Variants in CELF2 observed in about 807,000 individuals in gnomAD.
The protein encoded by CELF2 is CUG triplet repeat RNA-binding protein 2.
Under a neutral mutation model 62.6 loss-of-function variants are expected in CELF2, and 8 were observed. The ratio of observed to expected loss-of-function variants is 0.13; its 90% CI spans 0.07 to 0.23. The LOEUF (loss-of-function observed/expected upper bound fraction) is 0.23. Among genes scored for constraint, CELF2 ranks in the 10% least tolerant of loss-of-function variants. CELF2 has a pLI of 1.00. For synonymous variants in CELF2, 258 were observed against 250.0 expected (o/e 1.03, Z -0.30); for missense variants, 333 against 671.0 (o/e 0.50, Z 5.56).
At chr10:10,651,069 G>A in the CELF2 span, among the ~76,000 whole-genome samples, 2 of 151,604 alleles carry the variant, frequency 1.3e-5, no homozygotes, top group East Asian at 3.9e-4. Flanking sequence ...GAAGCGCAAG[G>A]GGTCAGGGAG....
At chr10:11,064,119 G>A (rs1185996275) in intron 1 of CELF2, among the ~76,000 whole-genome samples, 2 of 152,150 alleles carry the variant, frequency 1.3e-5, no homozygotes, top group African/African-American at 4.8e-5. Context: ...GTTTATGCTT[G>A]TTGTTTCGGG....
chr10:10,605,828 A>C, the CELF2 span, among the ~76,000 whole-genome samples: 1 of 152,234 alleles, frequency 6.6e-6, no homozygotes, highest in African/African-American at 2.4e-5. Flanking sequence ...TCGTTTAATC[A>C]GTCCAAAAAA....
At chr10:11,078,245 G>T (rs541037132) in intron 1 of CELF2, among the ~76,000 whole-genome samples, 19 of 151,868 alleles carry the variant, frequency 1.3e-4, no homozygotes, top group Middle Eastern at 6.8e-3. Context: ...TATCCTAAAG[G>T]AAGTGGTGGG....
the CELF2 span, among the ~76,000 whole-genome samples, chr10:10,535,050 G>A: frequency 6.6e-6 from 1 of 152,182 alleles, no homozygotes; most frequent in South Asian, 2.1e-4. Context: ...AGGGATCTTA[G>A]TTTACCTCCT....
At chr10:11,072,025 C>T (rs1220605839) in intron 1 of CELF2, among the ~76,000 whole-genome samples, 6 of 152,104 alleles carry the variant, frequency 3.9e-5, no homozygotes, top group Non-Finnish European at 8.8e-5. Flanking sequence ...TGGAGATTGC[C>T]TTTTGGGTTA....
intron 2 of CELF2, among the ~76,000 whole-genome samples, chr10:11,197,058 A>AAAGAAAGAAAGAAAGAAAGG (rs1250421470): frequency 1.4e-5 from 1 of 71,932 alleles, no homozygotes; most frequent in South Asian, 6.8e-4. Context: ...AGAAAGAAAG[A>AAAGAAAGAAAGAAAGAAAGG]AAAGAAAGAA....
intron 3 of CELF2, among the ~76,000 whole-genome samples, chr10:11,225,197 C>T (rs923923873): frequency 3.3e-5 from 5 of 152,170 alleles, no homozygotes; most frequent in Non-Finnish European, 7.3e-5. Context: ...AAACAGTAAA[C>T]GGTGCGTGTG....
chr10:10,655,435 C>A, the CELF2 span, among the ~76,000 whole-genome samples: 5 of 127,486 alleles, frequency 3.9e-5, 1 homozygote, highest in Non-Finnish European at 8.7e-5. Flanking sequence ...GCCAAAAGAA[C>A]AAAGCTGGAG....
intron 1 of CELF2, among the ~76,000 whole-genome samples, chr10:11,091,695 T>C (rs1232172070): frequency 6.6e-6 from 1 of 152,172 alleles, no homozygotes; most frequent in African/African-American, 2.4e-5. Flanking sequence ...CTGAACTCAT[T>C]TTGTGAAATG....
At chr10:10,818,753 T>A (rs1182639689) in intron 1 of CELF2, among the ~76,000 whole-genome samples, 1 of 152,040 alleles carries the variant, frequency 6.6e-6, no homozygotes, top group Non-Finnish European at 1.5e-5. Flanking sequence ...ATTTTTGTGT[T>A]TTTTAGTAGA....
the CELF2 span, among the ~76,000 whole-genome samples, chr10:10,653,945 G>C: frequency 1.3e-5 from 2 of 151,588 alleles, no homozygotes; most frequent in South Asian, 4.2e-4. Flanking sequence ...TTTTTGAAAG[G>C]ATCAACAAAA....
At chr10:11,320,835 T>C in intron 10 of CELF2, 1 of 1,534,864 alleles carries the variant, frequency 6.5e-7, no homozygotes, top group Non-Finnish European at 8.7e-7. Context: ...GGTTTTTTTT[T>C]TTTTTTTTAC....
intron 1 of CELF2, among the ~76,000 whole-genome samples, chr10:10,852,694 A>C (rs1211823572): frequency 6.6e-6 from 1 of 152,200 alleles, no homozygotes; most frequent in East Asian, 1.9e-4. Flanking sequence ...CTTTTGCAAG[A>C]TGTTACCCTC....
chr10:10,800,099 TTTG>T (rs2054511607), intron 1 of CELF2, among the ~76,000 whole-genome samples: 1 of 152,222 alleles, frequency 6.6e-6, no homozygotes, highest in South Asian at 2.1e-4. Flanking sequence ...TTTGTCTGAT[TTTG>T]TTATTTTTAA....
intron 11 of CELF2, among the ~76,000 whole-genome samples, chr10:11,322,928 A>T (rs2095519969): frequency 6.6e-6 from 1 of 152,024 alleles, no homozygotes; most frequent in Admixed American, 6.5e-5. Flanking sequence ...ATGAGGGCAG[A>T]GAGCAGGGCC....
intron 1 of CELF2, among the ~76,000 whole-genome samples, chr10:10,895,743 T>A (rs376205840): frequency 6.6e-6 from 1 of 152,178 alleles, no homozygotes; most frequent in Non-Finnish European, 1.5e-5. Flanking sequence ...ATATATTAAA[T>A]ACATTTTTAA....
intron 7 of CELF2, among the ~76,000 whole-genome samples, chr10:11,273,374 G>C (rs561506945): frequency 6.6e-6 from 1 of 152,280 alleles, no homozygotes; most frequent in Admixed American, 6.5e-5. Flanking sequence ...GGTCTAAACT[G>C]CACATGCTGA....
the CELF2 span, among the ~76,000 whole-genome samples, chr10:10,491,420 T>C: frequency 1.3e-5 from 2 of 152,168 alleles, no homozygotes; most frequent in South Asian, 4.1e-4. Flanking sequence ...GCTCTTTGCC[T>C]CTTGCTCTTT....
chr10:11,234,636 C>T (rs369904068), intron 3 of CELF2, among the ~76,000 whole-genome samples: 1 of 142,010 alleles, frequency 7.0e-6, no homozygotes, highest in South Asian at 2.3e-4. Flanking sequence ...GAGCCGAGAT[C>T]GCGCCACTGC....
Sources: gnomAD v4.1 joint callset for allele counts (sites outside exome capture counted in the v4.1 genomes callset) on GRCh38, gnomAD v4.1.1 for gene constraint, MANE v1.5 for transcripts, NCBI Gene and HGNC (gene_info 2026-07-23, HGNC 2026-07-21) for gene names.